Variants in DOK6 observed in about 807,000 individuals in gnomAD.
DOK6 encodes downstream of tyrosine kinase 6.
DOK6 carries 22 observed loss-of-function variants against 44.0 expected under a neutral mutation model. The observed-to-expected ratio is 0.50, with a 90% CI of 0.36 to 0.71. The LOEUF is 0.71. DOK6 is among the 30% of genes least tolerant of loss of function. The probability of loss-of-function intolerance (pLI) is 0.00; values close to 1 mark genes in which losing one functional copy is unlikely to be tolerated. For synonymous variants in DOK6, 166 were observed against 145.5 expected, an observed-to-expected ratio of 1.14 and a Z score of -1.01; for missense variants, 340 against 416.4, an observed-to-expected ratio of 0.82 and a Z score of 1.60.
At chr18:69,418,608 C>T (rs775030975) in intron 1 of DOK6, among the ~76,000 whole-genome samples, 2 of 151,820 alleles carry the variant, frequency 1.3e-5, no homozygotes, top group African/African-American at 4.8e-5. Context: ...ACTACAGGCA[C>T]GTGCCACTTT....
intron 1 of DOK6, among the ~76,000 whole-genome samples, chr18:69,485,686 A>G (rs1056449982): frequency 1.3e-5 from 2 of 152,150 alleles, no homozygotes; most frequent in African/African-American, 4.8e-5. Flanking sequence ...CTAGAATGCA[A>G]TACAAATTGG....
At chr18:69,834,470 A>G (rs1416616694) in intron 7 of DOK6, among the ~76,000 whole-genome samples, 1 of 152,214 alleles carries the variant, frequency 6.6e-6, no homozygotes, top group African/African-American at 2.4e-5. Flanking sequence ...ATAGTATAGT[A>G]GATAAATTAT....
In DOK6 at chr18:69,476,646, C is replaced by T. The variant is rs376115860; in HGVS notation, c.66+75336C>T. Among the ~76,000 whole-genome samples the T allele has an allele frequency of 4.6e-5, 7 of 152,300 alleles. No individual in the cohort carries two copies. The South Asian group carries it at 1.5e-3, about 32-fold the overall frequency. ...AGGAGGAGGGAAGGGATTGGTGACC[C>T]TCATTGGAGTTGACCTTGAGAAAGG... On this transcript the variant is annotated intron_variant, in intron 1 of 7. Coordinates refer to ENST00000382713, the MANE Select transcript of DOK6 (RefSeq NM_152721.6).
chr18:69,652,991 G>A (rs1985270061), intron 3 of DOK6, among the ~76,000 whole-genome samples: 6 of 152,122 alleles, frequency 3.9e-5, no homozygotes, highest in Admixed American at 3.9e-4. Context: ...GATTCACGAT[G>A]GAATTCTACT....
intron 1 of DOK6, among the ~76,000 whole-genome samples, chr18:69,562,192 C>T (rs191046724): frequency 2.6e-5 from 4 of 152,170 alleles, no homozygotes; most frequent in Admixed American, 6.5e-5. Flanking sequence ...AGATAATGAA[C>T]AATTTACAGG....
At chr18:69,412,062 G>A (rs1978308639) in intron 1 of DOK6, among the ~76,000 whole-genome samples, 1 of 152,080 alleles carries the variant, frequency 6.6e-6, no homozygotes, top group African/African-American at 2.4e-5. Flanking sequence ...TACAAATAAA[G>A]TATCAGTTTT....
intron 4 of DOK6, among the ~76,000 whole-genome samples, chr18:69,683,245 G>A (rs1986081864): frequency 6.6e-6 from 1 of 151,904 alleles, no homozygotes; most frequent in South Asian, 2.1e-4. Context: ...CCCAAAGTGA[G>A]TTCCTGGAAA....
At chr18:69,564,185 G>A (rs1176228050) in intron 1 of DOK6, among the ~76,000 whole-genome samples, 1 of 152,104 alleles carries the variant, frequency 6.6e-6, no homozygotes. Context: ...ATGGAGAATT[G>A]TCTGTCACTA....
intron 5 of DOK6, among the ~76,000 whole-genome samples, chr18:69,712,966 A>G (rs1986802225): frequency 6.6e-6 from 1 of 152,224 alleles, no homozygotes; most frequent in Admixed American, 6.5e-5. Flanking sequence ...ATGCTTGAAA[A>G]TATTGCTTTC....
intron 7 of DOK6, among the ~76,000 whole-genome samples, chr18:69,809,608 A>G (rs1291677557): frequency 6.7e-6 from 1 of 150,248 alleles, no homozygotes; most frequent in Non-Finnish European, 1.5e-5. Flanking sequence ...AAGAAAGAAA[A>G]AAAACAGACA....
intron 1 of DOK6, among the ~76,000 whole-genome samples, chr18:69,456,304 G>C (rs575835734): frequency 1.3e-5 from 2 of 152,020 alleles, no homozygotes; most frequent in African/African-American, 4.8e-5. Context: ...TTCAACCCAT[G>C]CATCACTCCC....
intron 3 of DOK6, among the ~76,000 whole-genome samples, chr18:69,610,353 G>C (rs1331518650): frequency 6.6e-6 from 1 of 151,840 alleles, no homozygotes; most frequent in Non-Finnish European, 1.5e-5. Flanking sequence ...AACCTCCTTG[G>C]GAATATATCT....
chr18:69,597,213 A>G (rs1423136450), intron 2 of DOK6, among the ~76,000 whole-genome samples: 1 of 152,190 alleles, frequency 6.6e-6, no homozygotes, highest in Admixed American at 6.5e-5. Flanking sequence ...CACAATATCA[A>G]TCTAAAGCTA....
At chr18:69,823,621 GTGTT>G (rs1981641019) in intron 7 of DOK6, among the ~76,000 whole-genome samples, 2 of 124,194 alleles carry the variant, frequency 1.6e-5, no homozygotes, top group African/African-American at 6.6e-5. Flanking sequence ...AGAAGTGTGT[GTGTT>G]TGTGTGTGTG....
chr18:69,818,012 T>A (rs1981451821), intron 7 of DOK6, among the ~76,000 whole-genome samples: 1 of 152,132 alleles, frequency 6.6e-6, no homozygotes, highest in Non-Finnish European at 1.5e-5. Context: ...TCAGGAAGAT[T>A]CCTTGGGACT....
At chr18:69,651,765 G>C (rs1025219391) in intron 3 of DOK6, among the ~76,000 whole-genome samples, 1 of 151,792 alleles carries the variant, frequency 6.6e-6, no homozygotes, top group African/African-American at 2.4e-5. Flanking sequence ...GAGATTACAG[G>C]TGTCAGCTAC....
chr18:69,714,193 G>A (rs540617083), intron 5 of DOK6, among the ~76,000 whole-genome samples: 7 of 152,298 alleles, frequency 4.6e-5, no homozygotes, highest in South Asian at 2.1e-4. Flanking sequence ...GTAAACAGAC[G>A]TACAGCTTCT....
chr18:69,634,476 A>T (rs1286696189), intron 3 of DOK6, among the ~76,000 whole-genome samples: 1 of 152,204 alleles, frequency 6.6e-6, no homozygotes, highest in Non-Finnish European at 1.5e-5. Flanking sequence ...TGACTTCAGC[A>T]TGTCATTTAA....
intron 7 of DOK6, among the ~76,000 whole-genome samples, chr18:69,774,133 G>GATAGATATATATATATATATATATATAT (rs1555670145): frequency 9.0e-5 from 6 of 66,896 alleles, no homozygotes; most frequent in Admixed American, 2.1e-4. Context: ...ATATATATGA[G>GATAGATATATATATATATATATATATAT]ATATATATAT....
Sources: gnomAD v4.1 joint callset for allele counts (sites outside exome capture counted in the v4.1 genomes callset) on GRCh38, gnomAD v4.1.1 for gene constraint, MANE v1.5 for transcripts, NCBI Gene and HGNC (gene_info 2026-07-23, HGNC 2026-07-21) for gene names.